The following ASGR2 variants were observed in gnomAD, a reference collection of about 807,000 sequenced individuals.
ASGR2 encodes the protein C-type lectin domain family 4 member H2.
Under a neutral mutation model 32.3 loss-of-function variants are expected in ASGR2, and 34 were observed. That is an observed-to-expected ratio of 1.05 (90% CI 0.80 to 1.40). The LOEUF (loss-of-function observed/expected upper bound fraction) is 1.40, where lower values mean the gene tolerates loss of function less well. Among genes scored for constraint, ASGR2 ranks in the 40% most tolerant of loss-of-function variants. ASGR2 has a pLI of 0.00. For synonymous variants in ASGR2, 143 were observed against 150.0 expected, an observed-to-expected ratio of 0.95 and a Z score of 0.34; for missense variants, 385 against 386.4, an observed-to-expected ratio of 1.00 and a Z score of 0.03.
chr17:7,114,211 C>T lies in ASGR2; in HGVS notation c.30G>A (p.Gln10=). The T allele has an allele frequency of 6.2e-7, 1 of 1,614,176 alleles. No individual in the cohort carries two copies. The highest frequency in any genetic ancestry group is 8.5e-7 in the Non-Finnish European group (1 of 1,180,028). Residue 10 remains glutamine (Q), a synonymous_variant, in exon 2 of 9, where the codon CAG becomes CAA. Transcript: ENST00000691900. This position sits in a 1 kb window ranked among gnomAD's most constrained non-coding sequence, Gnocchi z 4.5. The part of the protein sequence containing the change: MAKDFQDIQ[Q]LSSEENDHPF... The stretch of plus-strand genomic sequence containing the variant: ...GATGGTCATTTTCCTCCGAGCTCAG[C>T]TGCTGGATATCTTGAAAGTCCTTGG...
intron 7 of ASGR2, 52 bp downstream of exon 7, chr17:7,106,948 C>T (rs1913790271): frequency 6.2e-7 from 1 of 1,605,120 alleles, no homozygotes; most frequent in Non-Finnish European, 8.5e-7. Flanking sequence ...TCCAGCCTCC[C>T]AGAGCAGGCC....
At position 7,107,381 on chromosome 17, in the gene ASGR2, G is replaced by C. The variant is rs1913900902; in HGVS notation, c.410-64C>G. On this transcript the variant is annotated intron_variant, in intron 5 of 8. Transcript: ENST00000691900. This position sits in a 1 kb window ranked among gnomAD's most constrained non-coding sequence, Gnocchi z 5.0. ...GTCCCCACCTGCTAGGCTCCAGCCT[G>C]TGGCTGGGGAAGCATATACACCCAC... 6.5e-7 allele frequency: 1 copy of C among 1,548,822 alleles called. No individual in the cohort carries two copies. Among genetic ancestry groups the C allele is most frequent in the Admixed American group, 1.8e-5 (1 of 57,096 alleles).
Position 7,108,561 on chromosome 17 carries a change from G to C in ASGR2, c.242-4C>G. The stretch of plus-strand genomic sequence containing the variant: ...AGCTCGGCTTGCAGCTGTGCACCTT[G>C]TCAGGTGGTAGTGGGGGCAGGATGA... On this transcript the variant is annotated splice_polypyrimidine_tract_variant and splice_region_variant and intron_variant, in intron 3 of 8. Coordinates refer to ENST00000691900, the MANE Select transcript of ASGR2 (RefSeq NM_001201352.2). The surrounding 1 kb of genome is among the most constrained non-coding windows in gnomAD (Gnocchi z 4.9). 1 of 1,607,354 alleles carries C rather than the reference G, an allele frequency of 6.2e-7. No homozygotes were observed. The highest frequency in any genetic ancestry group is 8.5e-7 in the Non-Finnish European group (1 of 1,177,334).
chr17:7,107,790 C>T lies in ASGR2; in HGVS notation c.409+46G>A, dbSNP rs1567764318. 1.9e-6 allele frequency: 3 copies of T among 1,596,372 alleles called. No individual in the cohort carries two copies. The highest frequency in any genetic ancestry group is 1.7e-5 in the Admixed American group (1 of 59,712). On this transcript the variant is annotated intron_variant, in intron 5 of 8. Transcript: ENST00000691900. The surrounding 1 kb of genome is among the most constrained non-coding windows in gnomAD (Gnocchi z 5.0). Reference sequence around the variant, plus strand: ...ACGTACACACTACACACACCGCACACGTACACATGCACGCACATGCGCACA... The same window carrying T: ...ACGTACACACTACACACACCGCACATGTACACATGCACGCACATGCGCACA...
At chr17:7,103,675 G>C (rs577343049) in intron 7 of ASGR2, among the ~76,000 whole-genome samples, 1 of 152,268 alleles carries the variant, frequency 6.6e-6, no homozygotes, top group Non-Finnish European at 1.5e-5. Flanking sequence ...GAAAGAGGAA[G>C]ATGAGGCAGA....
Position 7,108,576 on chromosome 17 carries a change from G to A in ASGR2, c.242-19C>T. 6.2e-7 allele frequency: 1 copy of A among 1,606,150 alleles called. No individual in the cohort carries two copies. Among genetic ancestry groups the A allele is most frequent in the Non-Finnish European group, 8.5e-7 (1 of 1,176,922 alleles). On this transcript the variant is annotated intron_variant, in intron 3 of 8. Coordinates refer to ENST00000691900, the MANE Select transcript of ASGR2 (RefSeq NM_001201352.2). This position sits in a 1 kb window ranked among gnomAD's most constrained non-coding sequence, Gnocchi z 4.9. ...TGTGCACCTTGTCAGGTGGTAGTGG[G>A]GGCAGGATGAGGCAGAGGGGCCGTG...
At position 7,113,527 on chromosome 17, in the gene ASGR2, T is replaced by C. The variant is rs201584724; in HGVS notation, c.124+590A>G. The stretch of plus-strand genomic sequence containing the variant: ...ATACACAACGTACACACACACAACA[T>C]ACACACACTCATACACAACATACAT... On this transcript the variant is annotated intron_variant, in intron 2 of 8. Transcript: ENST00000691900. The surrounding 1 kb of genome is among the most constrained non-coding windows in gnomAD (Gnocchi z 5.1). Among the ~76,000 whole-genome samples the C allele has an allele frequency of 1.1e-5, 1 of 87,126 alleles. No homozygotes were observed. Among genetic ancestry groups the C allele is most frequent in the Admixed American group, 1.2e-4 (1 of 8,428 alleles). The allele number at this position is 87,126 out of a possible 152,430, so 57.2% of individuals were successfully genotyped here. A position where few individuals can be genotyped will look rare whatever the true frequency, so the allele number is the denominator to read the frequency against.
In ASGR2 at chr17:7,112,183, ATGAGTGAGC is replaced by A. The variant is rs1204441482; in HGVS notation, c.124+1925_124+1933del. Among the ~76,000 whole-genome samples, 25 of 148,672 alleles carry A rather than the reference ATGAGTGAGC, an allele frequency of 1.7e-4. 1 individual carries two copies. The South Asian group carries it at 5.5e-3, about 33-fold the overall frequency. ...AAAAGAATTAAAAAATGGAAAGAGA[ATGAGTGAGC>A]TGTGGGACCCTTAATACATGCATAA... On this transcript the variant is annotated intron_variant, in intron 2 of 8. Transcript: ENST00000691900.
At position 7,113,932 on chromosome 17, in the gene ASGR2, A is replaced by G. The variant is rs1382787676; in HGVS notation, c.124+185T>C. Among the ~76,000 whole-genome samples the G allele has an allele frequency of 6.6e-6, 1 of 152,136 alleles. No individual in the cohort carries two copies. Among genetic ancestry groups the G allele is most frequent in the East Asian group, 1.9e-4 (1 of 5,204 alleles). On this transcript the variant is annotated intron_variant, in intron 2 of 8. Coordinates refer to ENST00000691900, the MANE Select transcript of ASGR2 (RefSeq NM_001201352.2). The surrounding 1 kb of genome is among the most constrained non-coding windows in gnomAD (Gnocchi z 5.1). ...GCAGTTATCTTCCAGATCTCCCCAC[A>G]CCTCTGGCACATGCCTTTCCTGGGG...
rs773517536 is a variant in ASGR2 at position 7,102,156 on chromosome 17, A to T, written c.689T>A (p.Ile230Lys). 1 of 1,614,186 alleles carries T rather than the reference A, an allele frequency of 6.2e-7. No individual in the cohort carries two copies. Among genetic ancestry groups the T allele is most frequent in the South Asian group, 1.1e-5 (1 of 91,076 alleles). The change falls in exon 8 of 9, where the codon ATA becomes AAA. Residue 230 changes from isoleucine (I) to lysine (K), a missense_variant. Physicochemically the swap from Ile to Lys is moderately radical, Grantham distance 102. Transcript: ENST00000691900. The stretch of plus-strand genomic sequence containing the variant: ...AGAGCCATCACTGTCCGTGAGACCT[A>T]TCCAGGTATTGAAGGGGTTCGTGTG... ...VQHTNPFNTWIGLTDSDGSWK... is the reference protein window; with the variant it reads ...VQHTNPFNTWKGLTDSDGSWK...
chr17:7,102,409 T>G (rs1430428337), intron 7 of ASGR2, among the ~76,000 whole-genome samples: 1 of 152,204 alleles, frequency 6.6e-6, no homozygotes, highest in African/African-American at 2.4e-5. Flanking sequence ...TCGTGCTGTC[T>G]GTGCAAAGAT....
In ASGR2 at chr17:7,109,209, CG is replaced by C. The variant is rs199548309; in HGVS notation, c.125-322del. ...GGGGGACTGGGAGACGCACAGGGGGCGGGGGGGCAGACCCGGCCCTGCCTAG... is the reference window on the plus strand; with the variant it reads ...GGGGGACTGGGAGACGCACAGGGGGCGGGGGGCAGACCCGGCCCTGCCTAG... On this transcript the variant is annotated intron_variant, in intron 2 of 8. Transcript: ENST00000691900. 3.8e-3 allele frequency among the ~76,000 whole-genome samples: 579 copies of C among 150,946 alleles called. 3 individuals carry two copies. Among genetic ancestry groups the C allele is most frequent in the African/African-American group, 0.014 (561 of 41,086 alleles).
chr17:7,104,260 A>G (rs1304197360), intron 7 of ASGR2, among the ~76,000 whole-genome samples: 1 of 150,970 alleles, frequency 6.6e-6, no homozygotes, highest in Non-Finnish European at 1.5e-5. Flanking sequence ...AGGCAGGAGA[A>G]TCGCTTGAAC....
In ASGR2 at chr17:7,113,251, C is replaced by T. The variant is rs1442962949; in HGVS notation, c.124+866G>A. ...GGATCTTCCAGGATCTCTCTGTGCTCACGTCCCCCACCCATCCCAACTCAC... is the reference window on the plus strand; with the variant it reads ...GGATCTTCCAGGATCTCTCTGTGCTTACGTCCCCCACCCATCCCAACTCAC... On this transcript the variant is annotated intron_variant, in intron 2 of 8. Coordinates refer to ENST00000691900, the MANE Select transcript of ASGR2 (RefSeq NM_001201352.2). The surrounding 1 kb of genome is among the most constrained non-coding windows in gnomAD (Gnocchi z 5.1). Among the ~76,000 whole-genome samples, 1 of 151,900 alleles carries T rather than the reference C, an allele frequency of 6.6e-6. No homozygotes were observed. The highest frequency in any genetic ancestry group is 1.5e-5 in the Non-Finnish European group (1 of 67,988).
intron 2 of ASGR2, among the ~76,000 whole-genome samples, chr17:7,112,707 A>G (rs1007706080): frequency 2.6e-5 from 4 of 151,932 alleles, no homozygotes; most frequent in Admixed American, 1.3e-4. Context: ...GGGACCTCCT[A>G]TCCCTCCTGT....
At chr17:7,105,124 A>T (rs1913475965) in intron 7 of ASGR2, among the ~76,000 whole-genome samples, 1 of 152,022 alleles carries the variant, frequency 6.6e-6, no homozygotes, top group Non-Finnish European at 1.5e-5. Context: ...CAAAGCCAAT[A>T]ATTTTCAGCC....
chr17:7,114,099 C>T lies in ASGR2; in HGVS notation c.124+18G>A. On this transcript the variant is annotated intron_variant, in intron 2 of 8. Coordinates refer to ENST00000691900, the MANE Select transcript of ASGR2 (RefSeq NM_001201352.2). The surrounding 1 kb of genome is among the most constrained non-coding windows in gnomAD (Gnocchi z 4.5). ...CTGAGACAGAGGGGGAGCAAAGCCGCAGAAACTGCACACTTGCCTTTCAAA... is the reference window on the plus strand; with the variant it reads ...CTGAGACAGAGGGGGAGCAAAGCCGTAGAAACTGCACACTTGCCTTTCAAA... The T allele has an allele frequency of 6.2e-7, 1 of 1,613,978 alleles. No homozygotes were observed. The highest frequency in any genetic ancestry group is 8.5e-7 in the Non-Finnish European group (1 of 1,179,938).
At position 7,107,035 on chromosome 17, in the gene ASGR2, C is replaced by CGTTCTCCA. The variant is rs1567762126; in HGVS notation, c.605_612dup (p.Ala205TrpfsTer29). The CGTTCTCCA allele has an allele frequency of 5.0e-6, 8 of 1,614,200 alleles. No homozygotes were observed. The highest frequency in any genetic ancestry group is 6.8e-6 in the Non-Finnish European group (8 of 1,180,042). On this transcript the variant is annotated frameshift_variant, in exon 7 of 9. Coordinates refer to ENST00000691900, the MANE Select transcript of ASGR2 (RefSeq NM_001201352.2). LOFTEE classifies it high-confidence loss of function. This position sits in a 1 kb window ranked among gnomAD's most constrained non-coding sequence, Gnocchi z 5.0. ...CAGGAGTTGATGACCACCAGGTGTGCGTTCTCCAGCTGGCAGTACTTCTCC... is the reference window on the plus strand; with the variant it reads ...CAGGAGTTGATGACCACCAGGTGTGCGTTCTCCAGTTCTCCAGCTGGCAGTACTTCTCC...
In ASGR2 at chr17:7,103,373, C is replaced by T. The variant is rs184388212; in HGVS notation, c.649-1177G>A. Among the ~76,000 whole-genome samples the T allele has an allele frequency of 1.1e-4, 17 of 152,310 alleles. No individual in the cohort carries two copies. The East Asian group carries it at 2.7e-3, about 24-fold the overall frequency. On this transcript the variant is annotated intron_variant, in intron 7 of 8. Transcript: ENST00000691900. ...TGCTCCCCAAATTCAGAGGAGTCAA[C>T]GGAGTTGGAGAGAAAGTGCCTGGAG...
Sources: gnomAD v4.1 joint callset for allele counts (sites outside exome capture counted in the v4.1 genomes callset) on GRCh38, gnomAD v4.1.1 for gene constraint, Gnocchi (gnomAD v3.1) non-coding constraint, MANE v1.5 for transcripts, NCBI Gene and HGNC (gene_info 2026-07-23, HGNC 2026-07-21) for gene names.